The following TEAD4 variants were observed in gnomAD, a reference collection of about 807,000 sequenced individuals.
The protein encoded by TEAD4 is transcriptional enhancer factor TEF-3.
A neutral mutation model predicts 52.4 loss-of-function variants in TEAD4; 36 were observed. The observed-to-expected ratio is 0.69, with a 90% confidence interval of 0.53 to 0.91. The LOEUF is 0.91. Among genes scored for constraint, TEAD4 ranks in the 40% least tolerant of loss-of-function variants. TEAD4 has a pLI of 0.00. For missense variants in TEAD4, 508 were observed against 583.9 expected (o/e 0.87, Z 1.34); for synonymous variants, 220 against 231.0 (o/e 0.95, Z 0.43).
intron 2 of TEAD4, among the ~76,000 whole-genome samples, chr12:2,987,294 G>A (rs1477945887): frequency 6.6e-6 from 1 of 152,188 alleles, no homozygotes; most frequent in Admixed American, 6.5e-5. Context: ...CATCTTTATA[G>A]AATGAGTCTG....
At chr12:2,989,259 G>C (rs552095688) in intron 2 of TEAD4, among the ~76,000 whole-genome samples, 3 of 151,808 alleles carry the variant, frequency 2.0e-5, no homozygotes, top group South Asian at 4.2e-4. Flanking sequence ...TCTCAATGAG[G>C]CTCTTTGATT....
intron 2 of TEAD4, among the ~76,000 whole-genome samples, chr12:2,976,868 C>T (rs1172064194): frequency 6.6e-6 from 1 of 152,154 alleles, no homozygotes; most frequent in South Asian, 2.1e-4. Flanking sequence ...ATCTTATCTC[C>T]CTCTGTTGCT....
At chr12:3,002,230 T>C (rs1565537675) in intron 3 of TEAD4, among the ~76,000 whole-genome samples, 1 of 152,240 alleles carries the variant, frequency 6.6e-6, no homozygotes, top group Non-Finnish European at 1.5e-5. Flanking sequence ...AATATTCCAT[T>C]GTATGGAGAG....
intron 2 of TEAD4, among the ~76,000 whole-genome samples, chr12:2,985,693 A>C (rs1307766871): frequency 6.6e-6 from 1 of 151,386 alleles, no homozygotes; most frequent in African/African-American, 2.4e-5. Context: ...TTTAGTAGAG[A>C]CGGGGTTTCA....
At chr12:2,977,120 G>A (rs1039794662) in intron 2 of TEAD4, among the ~76,000 whole-genome samples, 5 of 152,114 alleles carry the variant, frequency 3.3e-5, no homozygotes, top group Admixed American at 2.0e-4. Flanking sequence ...CCTCACAGCC[G>A]TTATTTGGGG....
rs549458651 is a variant in TEAD4 at position 3,024,322 on chromosome 12, C to T, written c.897+2305C>T. 1.6e-4 allele frequency among the ~76,000 whole-genome samples: 25 copies of T among 152,148 alleles called. No homozygotes were observed. In the South Asian group the frequency reaches 2.3e-3, roughly 14 times the overall value. On this transcript the variant is annotated intron_variant, in intron 10 of 12. Coordinates refer to ENST00000359864, the MANE Select transcript of TEAD4 (RefSeq NM_003213.4). Reference sequence around the variant, plus strand: ...CGATCTCCTGACCTCGTGATCTGCCCGCCTCAGCCTCCCAAAGTAATGTTC... The same window carrying T: ...CGATCTCCTGACCTCGTGATCTGCCTGCCTCAGCCTCCCAAAGTAATGTTC...
chr12:2,979,017 G>A (rs1347209965), intron 2 of TEAD4, among the ~76,000 whole-genome samples: 1 of 152,142 alleles, frequency 6.6e-6, no homozygotes, highest in Non-Finnish European at 1.5e-5. Context: ...CCTGGTTCAA[G>A]CGATTCTTGT....
Position 2,963,506 on chromosome 12 carries a change from G to A in TEAD4, c.-30+3466G>A, listed in dbSNP as rs753970884. Among the ~76,000 whole-genome samples, 86 of 152,232 alleles carry A rather than the reference G, an allele frequency of 5.6e-4. 1 individual carries two copies. The highest frequency in any genetic ancestry group is 2.9e-3 in the Admixed American group (45 of 15,286). On this transcript the variant is annotated intron_variant, in intron 2 of 12. Transcript: ENST00000359864. ...ATTGGAGCTGAACAGCTGCTGTCCA[G>A]TAAAGGGGGGTGAGGGGGCTGTCAG...
Position 2,978,406 on chromosome 12 carries a change from TG to T in TEAD4, c.-29-16331del, listed in dbSNP as rs199716545. ...TTTTTTTTGTCTTTTTGTTTTTTTT[TG>T]TTTTGTTTTGTTTTGAGAGGGAGTC... is the stretch of plus-strand genomic sequence containing the variant. On this transcript the variant is annotated intron_variant, in intron 2 of 12. Coordinates refer to ENST00000359864, the MANE Select transcript of TEAD4 (RefSeq NM_003213.4). Among the ~76,000 whole-genome samples the T allele has an allele frequency of 3.0e-4, 45 of 151,198 alleles. No individual in the cohort carries two copies. In the East Asian group the frequency reaches 4.1e-3, roughly 14 times the overall value.
intron 5 of TEAD4, among the ~76,000 whole-genome samples, chr12:3,015,496 C>T (rs568293305): frequency 6.6e-6 from 1 of 152,360 alleles, no homozygotes; most frequent in East Asian, 1.9e-4. Context: ...TGGCTTCACA[C>T]CTGCACGGCA....
chr12:3,036,493 G>C (rs1432045278), intron 10 of TEAD4, among the ~76,000 whole-genome samples: 4 of 152,158 alleles, frequency 2.6e-5, no homozygotes, highest in Non-Finnish European at 5.9e-5. Flanking sequence ...CTCTGAATCT[G>C]ACCAAAACCT....
At chr12:3,037,842 T>C (rs1395229857) in intron 10 of TEAD4, 126 bp from the exon 11 acceptor site, 4 of 1,176,894 alleles carry the variant, frequency 3.4e-6, no homozygotes, top group Non-Finnish European at 4.6e-6. Context: ...GGCGTCCTAC[T>C]GTCTACCCTC....
rs2098271218 is a variant in TEAD4 at position 3,025,023 on chromosome 12, C to T, written c.897+3006C>T. ...GTAGTGGCGCGATCTCGGCTCACTA[C>T]AACCTGTACCTCCCTGGTTCAAGCA... is the stretch of plus-strand genomic sequence containing the variant. On this transcript the variant is annotated intron_variant, in intron 10 of 12. Coordinates refer to ENST00000359864, the MANE Select transcript of TEAD4 (RefSeq NM_003213.4). 1.3e-5 allele frequency among the ~76,000 whole-genome samples: 2 copies of T among 151,554 alleles called. 1 individual carries two copies. The highest frequency in any genetic ancestry group is 4.2e-4 in the South Asian group (2 of 4,798).
intron 6 of TEAD4, 135 bp downstream of exon 6, chr12:3,017,661 G>A (rs911871066): frequency 4.6e-6 from 6 of 1,296,036 alleles, no homozygotes; most frequent in Non-Finnish European, 6.2e-6. Context: ...GTCAGGGAAG[G>A]AGGGAACAAG....
intron 5 of TEAD4, among the ~76,000 whole-genome samples, chr12:3,015,614 G>A (rs563065235): frequency 7.9e-5 from 12 of 152,306 alleles, no homozygotes; most frequent in East Asian, 5.8e-4. Context: ...GGCATCCCTC[G>A]GAAGAGCTGG....
chr12:3,019,981 G>A (rs762987010), intron 8 of TEAD4, among the ~76,000 whole-genome samples: 4 of 152,150 alleles, frequency 2.6e-5, no homozygotes, highest in African/African-American at 9.7e-5. Context: ...CCTCTCCACC[G>A]GCTCGCTGTC....
intron 11 of TEAD4, among the ~76,000 whole-genome samples, chr12:3,038,967 C>G (rs752248366): frequency 2.0e-5 from 3 of 152,208 alleles, no homozygotes; most frequent in Non-Finnish European, 4.4e-5. Flanking sequence ...AACCTCCTCA[C>G]CGTGCAGGCC....
At chr12:3,011,292 G>A (rs868804043) in intron 4 of TEAD4, among the ~76,000 whole-genome samples, 1 of 152,042 alleles carries the variant, frequency 6.6e-6, no homozygotes, top group Admixed American at 6.6e-5. Flanking sequence ...GTACAATGAC[G>A]TGATCTCGGC....
intron 10 of TEAD4, among the ~76,000 whole-genome samples, chr12:3,030,096 T>G (rs183746577): frequency 6.6e-6 from 1 of 152,330 alleles, no homozygotes; most frequent in East Asian, 1.9e-4. Flanking sequence ...TCCCTCTCTT[T>G]TGAATAAGCC....
Sources: allele counts gnomAD v4.1 joint callset (sites outside exome capture counted in the v4.1 genomes callset), GRCh38; gene constraint gnomAD v4.1.1; transcripts MANE v1.5; gene names NCBI Gene and HGNC (gene_info 2026-07-23, HGNC 2026-07-21).